Variants in HTT observed in about 807,000 individuals in gnomAD.
HTT encodes the protein huntingtin.
Under a neutral mutation model 362.3 loss-of-function variants are expected in HTT, and 104 were observed. That is an observed-to-expected ratio of 0.29 (90% CI 0.24 to 0.34). The LOEUF is 0.34. Among genes scored for constraint, HTT ranks in the 10% least tolerant of loss-of-function variants. The pLI, the probability that HTT is intolerant of heterozygous loss-of-function variation, is 1.00. For missense variants in HTT, 3,301 were observed against 3,928.6 expected (o/e 0.84, Z 4.27); for synonymous variants, 1,577 against 1,548.7 (o/e 1.02, Z -0.43).
intron 1 of HTT, among the ~76,000 whole-genome samples, chr4:3,080,514 G>T (rs1712836456): frequency 6.6e-6 from 1 of 152,142 alleles, no homozygotes; most frequent in South Asian, 2.1e-4. Context: ...ATTCTTATCA[G>T]ATAGATGATT....
chr4:3,167,061 G>A (rs770130874), intron 29 of HTT, among the ~76,000 whole-genome samples: 11 of 152,176 alleles, frequency 7.2e-5, no homozygotes, highest in Non-Finnish European at 1.3e-4. Context: ...GTTCCTATTC[G>A]GCCATTTTGG....
At chr4:3,120,659 T>C (rs143424397) in intron 8 of HTT, among the ~76,000 whole-genome samples, 5,608 of 152,268 alleles carry the variant, frequency 0.037, 160 homozygotes, top group Non-Finnish European at 0.052. Flanking sequence ...GGTTGTGCGC[T>C]CCTTATGAGA....
intron 1 of HTT, among the ~76,000 whole-genome samples, chr4:3,085,254 C>T (rs1033865015): frequency 6.6e-6 from 1 of 151,998 alleles, no homozygotes; most frequent in Non-Finnish European, 1.5e-5. Context: ...TCTTCTGCCG[C>T]AGCCTCCCGA....
At chr4:3,125,457 T>C in intron 10 of HTT, 92 bp from the exon 11 acceptor site, 2 of 751,160 alleles carry the variant, frequency 2.7e-6, no homozygotes, top group South Asian at 3.2e-5. Flanking sequence ...AAATTAAATA[T>C]TCTTATGAGT....
intron 2 of HTT, 71 bp downstream of exon 2, chr4:3,087,093 T>C: frequency 1.3e-6 from 1 of 775,220 alleles, no homozygotes; most frequent in Non-Finnish European, 2.2e-6. Context: ...GGCTAGAATA[T>C]TCTTTGTGTC....
chr4:3,151,877 A>C (rs978336971), intron 26 of HTT, among the ~76,000 whole-genome samples: 1 of 152,106 alleles, frequency 6.6e-6, no homozygotes, highest in East Asian at 1.9e-4. Context: ...ATACTATCTC[A>C]TTTGGATTAC....
intron 29 of HTT, among the ~76,000 whole-genome samples, chr4:3,166,586 T>A (rs1227055263): frequency 1.3e-5 from 2 of 152,246 alleles, no homozygotes; most frequent in African/African-American, 4.8e-5. Context: ...CAGTTCGAGC[T>A]TCCCTGCTGC....
In HTT at chr4:3,183,759, G is replaced by A. The variant is rs539495385; in HGVS notation, c.4866+1289G>A. Among the ~76,000 whole-genome samples the A allele has an allele frequency of 9.2e-5, 14 of 152,300 alleles. No individual in the cohort carries two copies. The South Asian group carries it at 1.5e-3, about 16-fold the overall frequency. On this transcript the variant is annotated intron_variant, in intron 37 of 66. Transcript: ENST00000355072. ...TTTCTGTGCGTAATCTGAGTAGAGT[G>A]GAGATCGAAGGCCTGAATACATAGT...
Position 3,146,957 on chromosome 4 carries a change from AC to A in HTT, c.3295+10del. 2 of 1,614,100 alleles carry A rather than the reference AC, an allele frequency of 1.2e-6. No individual in the cohort carries two copies. Among genetic ancestry groups the A allele is most frequent in the Non-Finnish European group, 1.7e-6 (2 of 1,179,918 alleles). On this transcript the variant is annotated intron_variant, in intron 25 of 66. Transcript: ENST00000355072. Reference sequence around the variant, plus strand: ...CGGAAACTTGCTTGCAGGTACTGGTACTGAGTTGAAACAGGGACTCCAGGAC... The same window carrying A: ...CGGAAACTTGCTTGCAGGTACTGGTATGAGTTGAAACAGGGACTCCAGGAC...
At chr4:3,119,623 G>A (rs1378906313) in intron 8 of HTT, among the ~76,000 whole-genome samples, 1 of 152,190 alleles carries the variant, frequency 6.6e-6, no homozygotes, top group East Asian at 1.9e-4. Flanking sequence ...AAGTTTTTTG[G>A]CTCAACTTCT....
chr4:3,103,904 T>G, intron 4 of HTT, 21 bp downstream of exon 4: 1 of 1,504,352 alleles, frequency 6.6e-7, no homozygotes, highest in Non-Finnish European at 9.2e-7. Flanking sequence ...CTTTTCTTTT[T>G]TAAAAATGTT....
rs1721484107 is a variant in HTT at position 3,235,489 on chromosome 4, A to G, written c.8572-76A>G. Reference sequence around the variant, plus strand: ...GGATCATACCAGTGGGCCAGTTTTGACTTGGTCGGGAGGAGGCATGAACAC... The same window carrying G: ...GGATCATACCAGTGGGCCAGTTTTGGCTTGGTCGGGAGGAGGCATGAACAC... On this transcript the variant is annotated intron_variant, in intron 62 of 66. Coordinates refer to ENST00000355072, the MANE Select transcript of HTT (RefSeq NM_001388492.1). 2.0e-6 allele frequency: 3 copies of G among 1,537,630 alleles called. No homozygotes were observed. In the Admixed American group the frequency reaches 5.0e-5, roughly 26 times the overall value.
At chr4:3,168,039 G>A (rs944803799) in intron 29 of HTT, among the ~76,000 whole-genome samples, 5 of 152,174 alleles carry the variant, frequency 3.3e-5, no homozygotes, top group African/African-American at 1.2e-4. Context: ...GTCTTTTAGA[G>A]GGGGATATGT....
chr4:3,185,058 A>C (rs1303650260), intron 37 of HTT, among the ~76,000 whole-genome samples: 2 of 152,192 alleles, frequency 1.3e-5, no homozygotes, highest in Non-Finnish European at 2.9e-5. Flanking sequence ...AAAGGGAGCC[A>C]AACCCTAATG....
intron 1 of HTT, among the ~76,000 whole-genome samples, chr4:3,081,297 T>C (rs1023945540): frequency 1.3e-5 from 2 of 152,346 alleles, no homozygotes; most frequent in Non-Finnish European, 2.9e-5. Context: ...GCTACGCGGC[T>C]CTGCCATTGT....
chr4:3,094,548 C>T (rs571226441), intron 2 of HTT, among the ~76,000 whole-genome samples: 1 of 146,982 alleles, frequency 6.8e-6, no homozygotes, highest in Non-Finnish European at 1.5e-5. Context: ...GGGGGCTGCC[C>T]CCCACCTCCC....
At chr4:3,178,555 A>T in intron 35 of HTT, 109 bp downstream of exon 35, 1 of 922,392 alleles carries the variant, frequency 1.1e-6, no homozygotes, top group South Asian at 1.5e-5. Context: ...TGTGCTTCTC[A>T]GGCTCTGCAT....
chr4:3,133,261 A>G (rs1715905839), intron 18 of HTT, among the ~76,000 whole-genome samples: 1 of 150,502 alleles, frequency 6.6e-6, no homozygotes, highest in Non-Finnish European at 1.5e-5. Context: ...AGGTGGAAGG[A>G]TTGCTTGAGC....
chr4:3,112,066 G>A (rs1388067227), intron 6 of HTT, among the ~76,000 whole-genome samples: 5 of 152,124 alleles, frequency 3.3e-5, no homozygotes, highest in Non-Finnish European at 7.4e-5. Context: ...GTTGACACCC[G>A]TAGTCTGCTA....
Sources: gnomAD v4.1 joint callset for allele counts (sites outside exome capture counted in the v4.1 genomes callset) on GRCh38, gnomAD v4.1.1 for gene constraint, MANE v1.5 for transcripts, NCBI Gene and HGNC (gene_info 2026-07-23, HGNC 2026-07-21) for gene names.